Variants in ELFN2 observed in about 807,000 individuals in gnomAD.
ELFN2 encodes the protein extracellular leucine rich repeat and fibronectin type III domain containing 2, also known as protein phosphatase 1 regulatory subunit 29.
A neutral mutation model predicts 45.5 loss-of-function variants in ELFN2; 17 were observed. The observed-to-expected ratio is 0.37, with a 90% CI of 0.26 to 0.56. The LOEUF (loss-of-function observed/expected upper bound fraction) is 0.56, where lower values mean the gene tolerates loss of function less well. Among genes scored for constraint, ELFN2 ranks in the 20% least tolerant of loss-of-function variants. The probability of loss-of-function intolerance (pLI) is 0.77; values close to 1 mark genes in which losing one functional copy is unlikely to be tolerated. For synonymous variants in ELFN2, 550 were observed against 551.5 expected, an observed-to-expected ratio of 1.00 and a Z score of 0.04; for missense variants, 922 against 1,183.2, an observed-to-expected ratio of 0.78 and a Z score of 3.24.
intron 1 of ELFN2, 36 bp downstream of exon 1, chr22:37,427,259 GGTC>G (rs1932859946): frequency 6.6e-6 from 1 of 152,054 alleles, no homozygotes; most frequent in Admixed American, 6.5e-5. Context: ...CTCCCCGGTC[GGTC>G]GGTCGCGGCG....
chr22:37,355,442 C>T (rs1346701212), intron 1 of ELFN2, among the ~76,000 whole-genome samples: 2 of 152,206 alleles, frequency 1.3e-5, no homozygotes, highest in East Asian at 3.9e-4. Context: ...AGGGTGCGCT[C>T]GCCCTGAGAC....
chr22:37,390,197 GGA>G (rs1569137122), intron 2 of ELFN2, among the ~76,000 whole-genome samples: 2 of 152,242 alleles, frequency 1.3e-5, no homozygotes, highest in Non-Finnish European at 2.9e-5. Flanking sequence ...AGAGATGTGA[GGA>G]GTGTAAACAG....
chr22:37,408,302 C>T (rs1343344969), intron 2 of ELFN2, among the ~76,000 whole-genome samples: 1 of 152,228 alleles, frequency 6.6e-6, no homozygotes, highest in East Asian at 1.9e-4. Flanking sequence ...ACGGGATCTG[C>T]GGCCCGCACT....
intron 2 of ELFN2, among the ~76,000 whole-genome samples, chr22:37,405,255 G>C (rs975839682): frequency 2.0e-5 from 3 of 152,094 alleles, no homozygotes; most frequent in African/African-American, 7.2e-5. Flanking sequence ...ACCACACCCA[G>C]CTAATTTTTG....
intron 2 of ELFN2, among the ~76,000 whole-genome samples, chr22:37,388,819 T>C (rs138810592): frequency 6.6e-6 from 1 of 152,310 alleles, no homozygotes; most frequent in African/African-American, 2.4e-5. Flanking sequence ...GGGTGGCTGA[T>C]AGGGCAGAAA....
chr22:37,372,801 G>A lies in ELFN2; in HGVS notation c.*271C>T. 2.4e-6 allele frequency: 1 copy of A among 416,438 alleles called. No homozygotes were observed. The highest frequency in any genetic ancestry group is 3.1e-5 in the South Asian group (1 of 32,304). 25.8% of individuals were successfully genotyped at this position (416,438 alleles called of 1,614,324 possible). On this transcript the variant is annotated 3_prime_UTR_variant, in exon 3 of 3. Coordinates refer to ENST00000402918, the MANE Select transcript of ELFN2 (RefSeq NM_052906.5). The surrounding 1 kb of genome is among the most constrained non-coding windows in gnomAD (Gnocchi z 4.4). ...CTGCACACCCCAGCAGAGTCCCTGG[G>A]CAGCACAGTAAAGACGACTGGTTTC...
At chr22:37,387,103 C>A (rs1401592083) in intron 2 of ELFN2, among the ~76,000 whole-genome samples, 1 of 152,208 alleles carries the variant, frequency 6.6e-6, no homozygotes, top group Non-Finnish European at 1.5e-5. Context: ...CCCACCGCAA[C>A]CATGACAGTG....
chr22:37,407,959 T>C (rs893928749), intron 2 of ELFN2, among the ~76,000 whole-genome samples: 5 of 152,024 alleles, frequency 3.3e-5, no homozygotes, highest in African/African-American at 1.2e-4. Context: ...TCCCAACTCA[T>C]GGAGGACCTC....
intron 2 of ELFN2, among the ~76,000 whole-genome samples, chr22:37,395,984 T>G (rs1448030921): frequency 6.6e-6 from 1 of 152,044 alleles, no homozygotes; most frequent in East Asian, 1.9e-4. Flanking sequence ...GGTGGTTAAG[T>G]GGGAGGCTCA....
At chr22:37,377,125 C>A (rs553836208) in intron 2 of ELFN2, among the ~76,000 whole-genome samples, 1 of 152,340 alleles carries the variant, frequency 6.6e-6, no homozygotes, top group Non-Finnish European at 1.5e-5. Context: ...CGCCCATTTG[C>A]AAGATGCAGA....
At chr22:37,424,687 G>A (rs1477871119) in intron 1 of ELFN2, among the ~76,000 whole-genome samples, 2 of 151,970 alleles carry the variant, frequency 1.3e-5, no homozygotes, top group African/African-American at 4.8e-5. Flanking sequence ...CGGCGGGGGG[G>A]GGGATGGAAT....
chr22:37,354,997 C>A (rs975865553), intron 1 of ELFN2, among the ~76,000 whole-genome samples: 4 of 152,194 alleles, frequency 2.6e-5, no homozygotes, highest in Admixed American at 1.3e-4. Flanking sequence ...AACCTGGCAA[C>A]CTACCTAGGG....
chr22:37,378,119 G>A (rs1401517584), intron 2 of ELFN2, among the ~76,000 whole-genome samples: 1 of 152,256 alleles, frequency 6.6e-6, no homozygotes, highest in Non-Finnish European at 1.5e-5. Flanking sequence ...TGCTGATGCA[G>A]GGGTGTGCTG....
At chr22:37,377,650 G>A (rs1483984547) in intron 2 of ELFN2, among the ~76,000 whole-genome samples, 4 of 152,198 alleles carry the variant, frequency 2.6e-5, no homozygotes, top group Non-Finnish European at 4.4e-5. Flanking sequence ...CAGATGGCCC[G>A]CTGGACTAAA....
At chr22:37,407,628 T>A (rs534957377) in intron 2 of ELFN2, among the ~76,000 whole-genome samples, 96 of 152,020 alleles carry the variant, frequency 6.3e-4, no homozygotes, top group African/African-American at 2.2e-3. Context: ...CCAGGCGCAG[T>A]GGCTCATGCC....
intron 2 of ELFN2, among the ~76,000 whole-genome samples, chr22:37,405,799 G>A (rs1483920709): frequency 6.7e-6 from 1 of 149,786 alleles, no homozygotes; most frequent in Admixed American, 6.6e-5. Context: ...TCACTTCTCT[G>A]AGCCCCAGGT....
intron 2 of ELFN2, among the ~76,000 whole-genome samples, chr22:37,388,359 ACTG>A (rs1601755444): frequency 6.6e-6 from 1 of 152,110 alleles, no homozygotes; most frequent in East Asian, 1.9e-4. Flanking sequence ...CGGAATCATA[ACTG>A]CTGCTGCTAC....
intron 1 of ELFN2, among the ~76,000 whole-genome samples, chr22:37,421,640 A>G (rs1932809876): frequency 6.6e-6 from 1 of 152,178 alleles, no homozygotes; most frequent in African/African-American, 2.4e-5. Flanking sequence ...CCCGGGGCCC[A>G]GCATTTCTCC....
chr22:37,395,970 A>T (rs1321805939), intron 2 of ELFN2, among the ~76,000 whole-genome samples: 1 of 152,184 alleles, frequency 6.6e-6, no homozygotes, highest in Non-Finnish European at 1.5e-5. Context: ...AGATACCCGA[A>T]GCTGGTGGTT....
Sources: allele counts gnomAD v4.1 joint callset (sites outside exome capture counted in the v4.1 genomes callset), GRCh38; gene constraint gnomAD v4.1.1; non-coding constraint Gnocchi (gnomAD v3.1); transcripts MANE v1.5; gene names NCBI Gene and HGNC (gene_info 2026-07-23, HGNC 2026-07-21).